RGS20: variants seen among roughly 807,000 people sequenced by gnomAD.
RGS20 encodes the protein gz-selective GTPase-activating protein.
A neutral mutation model predicts 33.6 loss-of-function variants in RGS20; 30 were observed. The observed-to-expected ratio is 0.89, with a 90% CI of 0.67 to 1.21. The LOEUF (loss-of-function observed/expected upper bound fraction) is 1.21, where lower values mean the gene tolerates loss of function less well. RGS20 is among the 50% of genes most tolerant of loss of function. The pLI, the probability that RGS20 is intolerant of heterozygous loss-of-function variation, is 0.00. For missense variants in RGS20, 472 were observed against 502.4 expected (o/e 0.94, Z 0.58); for synonymous variants, 208 against 197.9 (o/e 1.05, Z -0.43).
chr8:53,867,286 C>A (rs961786773), intron 1 of RGS20, among the ~76,000 whole-genome samples: 44 of 152,108 alleles, frequency 2.9e-4, no homozygotes, highest in African/African-American at 8.9e-4. Flanking sequence ...ATATTCTGAG[C>A]AACTCCATCC....
chr8:53,897,249 G>A (rs180813238), intron 2 of RGS20, among the ~76,000 whole-genome samples: 6 of 152,366 alleles, frequency 3.9e-5, no homozygotes, highest in Admixed American at 1.3e-4. Context: ...CCTAATGTCT[G>A]TTAAGATTTG....
intron 1 of RGS20, among the ~76,000 whole-genome samples, chr8:53,873,092 T>C (rs537861337): frequency 6.6e-6 from 1 of 152,296 alleles, no homozygotes; most frequent in East Asian, 1.9e-4. Flanking sequence ...TCAGGAGATC[T>C]GGTTGTTTAA....
At chr8:53,946,880 G>A in intron 4 of RGS20, 132 bp downstream of exon 3, 1 of 643,656 alleles carries the variant, frequency 1.6e-6, no homozygotes, top group Non-Finnish European at 2.6e-6. Context: ...ATCATTATGT[G>A]GCCTCGCATT....
At chr8:53,878,731 C>A (rs1812263330) in intron 1 of RGS20, among the ~76,000 whole-genome samples, 1 of 152,122 alleles carries the variant, frequency 6.6e-6, no homozygotes, top group South Asian at 2.1e-4. Flanking sequence ...CCAATAGAAT[C>A]TAGTAGCCAA....
chr8:53,945,887 C>CAAA (rs35273543), intron 3 of RGS20, among the ~76,000 whole-genome samples: 1 of 136,406 alleles, frequency 7.3e-6, no homozygotes. Flanking sequence ...ACTTGGTCTC[C>CAAA]AAAAAAAAAA....
intron 4 of RGS20, among the ~76,000 whole-genome samples, chr8:53,952,679 T>A (rs1814744728): frequency 6.6e-6 from 1 of 151,984 alleles, no homozygotes; most frequent in African/African-American, 2.4e-5. Context: ...TGAGCCGAGA[T>A]CGTGCCATTG....
chr8:53,866,388 T>C (rs1811918820), intron 1 of RGS20, among the ~76,000 whole-genome samples: 1 of 127,240 alleles, frequency 7.9e-6, no homozygotes, highest in Non-Finnish European at 1.6e-5. Flanking sequence ...CATTTACCTC[T>C]TTTTTTTTTT....
chr8:53,869,568 C>T lies in RGS20; in HGVS notation c.166-9690C>T, dbSNP rs555412666. ...GCAGGTGCCTGTAGTCCCAGCTACTCGGGAGGCTGAGGCAGGAGAATCGCT... is the reference window on the plus strand; with the variant it reads ...GCAGGTGCCTGTAGTCCCAGCTACTTGGGAGGCTGAGGCAGGAGAATCGCT... On this transcript the variant is annotated intron_variant, in intron 1 of 5. Coordinates refer to ENST00000297313, the MANE Select transcript of RGS20 (RefSeq NM_170587.4). Among the ~76,000 whole-genome samples, 479 of 151,968 alleles carry T rather than the reference C, an allele frequency of 3.2e-3. 1 individual carries two copies. Among genetic ancestry groups the T allele is most frequent in the Non-Finnish European group, 5.4e-3 (368 of 67,952 alleles).
At chr8:53,951,743 A>C (rs1291027569) in intron 4 of RGS20, among the ~76,000 whole-genome samples, 1 of 152,104 alleles carries the variant, frequency 6.6e-6, no homozygotes, top group Non-Finnish European at 1.5e-5. Flanking sequence ...AAAGCCGAGC[A>C]CTGCGGCACA....
chr8:53,867,331 A>T (rs1287480074), intron 1 of RGS20, among the ~76,000 whole-genome samples: 1 of 152,088 alleles, frequency 6.6e-6, no homozygotes, highest in Non-Finnish European at 1.5e-5. Flanking sequence ...TCATGCCTGC[A>T]TTTGCTTCCA....
At chr8:53,957,846 G>A (rs1814914847) in intron 5 of RGS20, among the ~76,000 whole-genome samples, 1 of 152,062 alleles carries the variant, frequency 6.6e-6, no homozygotes, top group African/African-American at 2.4e-5. Flanking sequence ...TTTGGTTTGG[G>A]ATATTTAAAA....
intron 1 of RGS20, among the ~76,000 whole-genome samples, chr8:53,860,334 A>G (rs1012211453): frequency 6.6e-6 from 1 of 152,242 alleles, no homozygotes; most frequent in African/African-American, 2.4e-5. Context: ...GGCTTATATG[A>G]TTTCGAATTC....
rs185710658 is a variant in RGS20, at chr8:53,898,033, C to T, written c.510+18431C>T. Among the ~76,000 whole-genome samples the T allele has an allele frequency of 2.5e-4, 38 of 152,268 alleles. No homozygotes were observed. In the East Asian group the frequency reaches 6.8e-3, roughly 27 times the overall value. On this transcript the variant is annotated intron_variant, in intron 2 of 5. Transcript: ENST00000297313. ...GCTTGAGTGTCCACTCCGGGCCATA[C>T]TTTGGGAGCTCTGTTCCTCAGCAGG...
At chr8:53,885,204 C>T (rs1812505423) in intron 2 of RGS20, among the ~76,000 whole-genome samples, 1 of 152,188 alleles carries the variant, frequency 6.6e-6, no homozygotes, top group South Asian at 2.1e-4. Context: ...AGTATTAATT[C>T]CTGAAATCCT....
chr8:53,889,140 A>G (rs1469377354), intron 2 of RGS20, among the ~76,000 whole-genome samples: 1 of 152,150 alleles, frequency 6.6e-6, no homozygotes, highest in Non-Finnish European at 1.5e-5. Flanking sequence ...TCATAGTCCA[A>G]ATCAGTTTAC....
chr8:53,932,992 A>G (rs1814019704), intron 2 of RGS20, among the ~76,000 whole-genome samples: 1 of 152,214 alleles, frequency 6.6e-6, no homozygotes, highest in African/African-American at 2.4e-5. Flanking sequence ...ATGGACCTCC[A>G]GCAAACTCCA....
At chr8:53,933,866 G>T (rs1038146886) in intron 2 of RGS20, among the ~76,000 whole-genome samples, 1 of 152,112 alleles carries the variant, frequency 6.6e-6, no homozygotes, top group African/African-American at 2.4e-5. Context: ...GAGAAAGGTC[G>T]GGTTACCCAC....
At chr8:53,949,035 TTATA>T (rs1414865178) in intron 4 of RGS20, among the ~76,000 whole-genome samples, 1 of 80,748 alleles carries the variant, frequency 1.2e-5, no homozygotes, top group Non-Finnish European at 2.1e-5. Context: ...CAGTATATAT[TTATA>T]TATGCTATAT....
rs1012515125 is a variant in RGS20, at chr8:53,954,322, C to T, written c.978+12C>T. ...TTTCTCCTAAGGAGGTATGTGACCA[C>T]GAGATGCCTTTTCCCAAGGCTGTTG... On this transcript the variant is annotated intron_variant, in intron 5 of 5. Coordinates refer to ENST00000297313, the MANE Select transcript of RGS20 (RefSeq NM_170587.4). 5 of 1,528,728 alleles carry T rather than the reference C, an allele frequency of 3.3e-6. No individual in the cohort carries two copies. In the African/African-American group the frequency reaches 4.1e-5, roughly 13 times the overall value. The allele number at this position is 1,528,728 out of a possible 1,614,324, so 94.7% of individuals were successfully genotyped here. A position where few individuals can be genotyped will look rare whatever the true frequency, so the allele number is the denominator to read the frequency against.
Sources: allele counts gnomAD v4.1 joint callset (sites outside exome capture counted in the v4.1 genomes callset), GRCh38; gene constraint gnomAD v4.1.1; transcripts MANE v1.5; gene names NCBI Gene and HGNC (gene_info 2026-07-23, HGNC 2026-07-21).